The following PTPRE variants were observed in gnomAD, a reference collection of about 807,000 sequenced individuals.
PTPRE encodes protein tyrosine phosphatase receptor type E.
Under a neutral mutation model 102.0 loss-of-function variants are expected in PTPRE, and 51 were observed. That is an observed-to-expected ratio of 0.50 (90% CI 0.40 to 0.63). The LOEUF (loss-of-function observed/expected upper bound fraction) is 0.63. Ranked by LOEUF, PTPRE falls within the 30% of genes least tolerant of loss-of-function variation. The probability of loss-of-function intolerance (pLI) is 0.00; values close to 1 mark genes in which losing one functional copy is unlikely to be tolerated. For synonymous variants in PTPRE, 345 were observed against 348.2 expected, an observed-to-expected ratio of 0.99 and a Z score of 0.10; for missense variants, 752 against 915.1, an observed-to-expected ratio of 0.82 and a Z score of 2.30.
chr10:127,996,167 G>A (rs1029365404), intron 2 of PTPRE, among the ~76,000 whole-genome samples: 5 of 152,172 alleles, frequency 3.3e-5, no homozygotes, highest in African/African-American at 9.7e-5. Context: ...GGAAGGGAGA[G>A]AGCTTCTCTA....
Position 128,068,140 on chromosome 10 carries a change from CA to C in PTPRE, c.864del (p.Ala289ProfsTer26). ...CIQPQLPDGC[K>X]APRLVSQLHF... is the part of the protein sequence containing the mutation. ...CCCCGCAGCAGCTCCCCGACGGCTG[CA>C]AAGCCCCCAGGCTGGTCTCACAGCT... On this transcript the variant is annotated frameshift_variant, in exon 12 of 21. Transcript: ENST00000254667. LOFTEE classifies it high-confidence loss of function. 6.2e-7 allele frequency: 1 copy of C among 1,613,036 alleles called. No individual in the cohort carries two copies. The highest frequency in any genetic ancestry group is 8.5e-7 in the Non-Finnish European group (1 of 1,179,292).
chr10:128,053,206 G>A (rs541106802), intron 6 of PTPRE, among the ~76,000 whole-genome samples: 16 of 152,264 alleles, frequency 1.1e-4, no homozygotes, highest in African/African-American at 2.9e-4. Context: ...AGTCGAGATC[G>A]CGCCACTGCC....
At position 127,988,304 on chromosome 10, in the gene PTPRE, C is replaced by CTTT. The variant is rs57166500; in HGVS notation, c.-8+6025_-8+6027dup. ...CATTTGCAGTGACTTTTTTTCTTTT[C>CTTT]TTTTTTTTTTTTTTTTTTTGAGACT... is the stretch of plus-strand genomic sequence containing the variant. On this transcript the variant is annotated intron_variant, in intron 2 of 20. Coordinates refer to ENST00000254667, the MANE Select transcript of PTPRE (RefSeq NM_006504.6). Among the ~76,000 whole-genome samples, 72 of 123,838 alleles carry CTTT rather than the reference C, an allele frequency of 5.8e-4. 3 individuals are homozygous for CTTT. Among genetic ancestry groups the CTTT allele is most frequent in the Admixed American group, 1.2e-3 (14 of 11,842 alleles). 81.2% of individuals were successfully genotyped at this position (123,838 alleles called of 152,430 possible). A position where few individuals can be genotyped will look rare whatever the true frequency, so the allele number is the denominator to read the frequency against.
intron 15 of PTPRE, 108 bp from the exon 16 acceptor site, chr10:128,072,030 T>C: frequency 1.3e-6 from 1 of 797,862 alleles, no homozygotes; most frequent in Admixed American, 2.7e-5. Context: ...TGGCTTTACG[T>C]AGTGATTTTA....
At chr10:127,981,858 A>G (rs1309334444) in intron 1 of PTPRE, among the ~76,000 whole-genome samples, 1 of 152,120 alleles carries the variant, frequency 6.6e-6, no homozygotes, top group Non-Finnish European at 1.5e-5. Context: ...GGAATTGATC[A>G]GGCTAGATAA....
intron 10 of PTPRE, among the ~76,000 whole-genome samples, chr10:128,065,219 G>A (rs1391237577): frequency 6.6e-6 from 1 of 152,222 alleles, no homozygotes; most frequent in Non-Finnish European, 1.5e-5. Context: ...TGTTTCATAA[G>A]ACTGTTAATC....
At chr10:128,071,162 C>T in intron 15 of PTPRE, 2 of 493,078 alleles carry the variant, frequency 4.1e-6, no homozygotes, top group Non-Finnish European at 7.3e-6. Flanking sequence ...TGCGGGAGGG[C>T]AGCCGAGGCT....
At chr10:128,000,175 A>G (rs1175860037) in intron 2 of PTPRE, among the ~76,000 whole-genome samples, 1 of 152,204 alleles carries the variant, frequency 6.6e-6, no homozygotes, top group Non-Finnish European at 1.5e-5. Context: ...AAAATGTAAC[A>G]TCCATTAGTT....
chr10:127,988,356 A>G (rs1418872370), intron 2 of PTPRE, among the ~76,000 whole-genome samples: 3 of 128,504 alleles, frequency 2.3e-5, no homozygotes, highest in South Asian at 4.8e-4. Context: ...CTCAGGCTGG[A>G]GTTCGTTGGC....
chr10:128,026,291 G>A (rs534716638), intron 2 of PTPRE, among the ~76,000 whole-genome samples: 31 of 152,390 alleles, frequency 2.0e-4, no homozygotes, highest in South Asian at 2.1e-4. Context: ...GGCACTGCCT[G>A]TCTGGGCTAC....
intron 19 of PTPRE, among the ~76,000 whole-genome samples, chr10:128,078,104 G>T (rs957851411): frequency 6.6e-6 from 1 of 152,228 alleles, no homozygotes; most frequent in Admixed American, 6.5e-5. Flanking sequence ...GGGCTCGGAG[G>T]AACACACTCC....
intron 2 of PTPRE, among the ~76,000 whole-genome samples, chr10:128,010,311 G>A (rs949408912): frequency 6.6e-6 from 1 of 152,228 alleles, no homozygotes; most frequent in Non-Finnish European, 1.5e-5. Flanking sequence ...TGGTGGTTGA[G>A]GTATGCCCAG....
chr10:127,928,770 T>C (rs917962032), intron 1 of PTPRE, among the ~76,000 whole-genome samples: 9 of 152,260 alleles, frequency 5.9e-5, no homozygotes, highest in African/African-American at 9.6e-5. Context: ...TGAGGCCTCA[T>C]TGATGAATTC....
At chr10:128,047,881 T>C (rs1304323867) in intron 5 of PTPRE, 44 bp downstream of exon 5, 3 of 1,525,116 alleles carry the variant, frequency 2.0e-6, no homozygotes, top group Non-Finnish European at 1.8e-6. Context: ...GAAAATGTGT[T>C]CTTTTTTAGC....
Position 128,070,942 on chromosome 10 carries a change from G to A in PTPRE, c.1387+41G>A, listed in dbSNP as rs764698481. ...CGTGGCTTGGGCAGGGCTGGGGCGG[G>A]GCTGGTGCCGGAGGCTTTCATCCTG... On this transcript the variant is annotated intron_variant, in intron 15 of 20. Transcript: ENST00000254667. The surrounding 1 kb of genome is among the most constrained non-coding windows in gnomAD (Gnocchi z 4.8). The A allele has an allele frequency of 6.4e-7, 1 of 1,570,948 alleles. No individual in the cohort carries two copies.
chr10:128,040,806 C>A, intron 2 of PTPRE, 69 bp from the exon 3 acceptor site: 1 of 1,242,208 alleles, frequency 8.1e-7, no homozygotes, highest in Non-Finnish European at 1.2e-6. Context: ...CTCATCATCA[C>A]TGCCTGGCAC....
chr10:128,021,674 CCAGT>C (rs1291113067), intron 2 of PTPRE, among the ~76,000 whole-genome samples: 1 of 152,250 alleles, frequency 6.6e-6, no homozygotes, highest in Non-Finnish European at 1.5e-5. Flanking sequence ...GTTCTTCTCA[CCAGT>C]CAGTCAGAGA....
At chr10:127,933,745 G>A (rs1847612781) in intron 1 of PTPRE, among the ~76,000 whole-genome samples, 1 of 152,174 alleles carries the variant, frequency 6.6e-6, no homozygotes, top group Non-Finnish European at 1.5e-5. Context: ...GTTGTCCAGG[G>A]TGACCTCTCT....
In PTPRE at chr10:128,069,709, C is replaced by T; in HGVS notation, c.1025C>T (p.Thr342Met). ...VVHCSAGVGR[T>M]GTFIVIDAMM... ...CCCCAAAGCGCGGGCGTGGGCCGGACGGGCACCTTCATTGTGATCGATGCC... is the reference window on the plus strand; with the variant it reads ...CCCCAAAGCGCGGGCGTGGGCCGGATGGGCACCTTCATTGTGATCGATGCC... The change falls in exon 13 of 21, where the codon ACG becomes ATG. Residue 342 changes from threonine (T) to methionine (M), a missense_variant. Thr to Met is a moderately conservative substitution (Grantham distance 81). This residue lies in a region of PTPRE where 636 missense variants were observed against 824.4 expected (regional missense o/e 0.77). Coordinates refer to ENST00000254667, the MANE Select transcript of PTPRE (RefSeq NM_006504.6). 1 of 1,614,164 alleles carries T rather than the reference C, an allele frequency of 6.2e-7. No homozygotes were observed. Among genetic ancestry groups the T allele is most frequent in the Non-Finnish European group, 8.5e-7 (1 of 1,180,020 alleles).
Sources: allele counts gnomAD v4.1 joint callset (sites outside exome capture counted in the v4.1 genomes callset), GRCh38; gene constraint gnomAD v4.1.1; regional missense constraint gnomAD v4.1.1; non-coding constraint Gnocchi (gnomAD v3.1); transcripts MANE v1.5; gene names NCBI Gene and HGNC (gene_info 2026-07-23, HGNC 2026-07-21).